GPR155: variants seen among roughly 807,000 people sequenced by gnomAD.
GPR155 encodes G protein-coupled receptor 155.
GPR155 carries 65 observed loss-of-function variants against 93.1 expected under a neutral mutation model. That is an observed-to-expected ratio of 0.70 (90% CI 0.57 to 0.86). GPR155 has a LOEUF of 0.86. Among genes scored for constraint, GPR155 ranks in the 40% least tolerant of loss-of-function variants. The pLI is 0.00. For synonymous variants in GPR155, 319 were observed against 360.1 expected (o/e 0.89, Z 1.29); for missense variants, 838 against 1,034.8 (o/e 0.81, Z 2.61).
At chr2:174,475,739 A>G (rs1280038815) in intron 2 of GPR155, among the ~76,000 whole-genome samples, 1 of 152,180 alleles carries the variant, frequency 6.6e-6, no homozygotes, top group African/African-American at 2.4e-5. Flanking sequence ...AGATAATTAT[A>G]TTTCTGATTC....
intron 2 of GPR155, 51 bp from the exon 3 acceptor site, chr2:174,473,415 ATATGT>A (rs765488074): frequency 8.3e-7 from 1 of 1,201,812 alleles, no homozygotes; most frequent in Non-Finnish European, 1.2e-6. Flanking sequence ...AAATACAGAT[ATATGT>A]TATGTATATA....
chr2:174,431,604 A>G lies in GPR155; in HGVS notation c.*4512T>C, dbSNP rs1434124517. The G allele has an allele frequency of 6.6e-6, 1 of 152,206 alleles. No homozygotes were observed. Among genetic ancestry groups the G allele is most frequent in the Non-Finnish European group, 1.5e-5 (1 of 68,038 alleles). The allele number at this position is 152,206 out of a possible 1,614,324, so 9.4% of individuals were successfully genotyped here. A position where few individuals can be genotyped will look rare whatever the true frequency, so the allele number is the denominator to read the frequency against. The stretch of plus-strand genomic sequence containing the variant: ...ATTATTTCAACCTTTTATCATACCA[A>G]TTGCAGAAATTTATAATCTCATCTT... On this transcript the variant is annotated 3_prime_UTR_variant, in exon 16 of 16. Transcript: ENST00000392552.
chr2:174,476,804 A>G (rs1205896963), intron 2 of GPR155, among the ~76,000 whole-genome samples: 1 of 151,984 alleles, frequency 6.6e-6, no homozygotes, highest in Non-Finnish European at 1.5e-5. Context: ...TAACTTCTTA[A>G]TATCTCCTTT....
At chr2:174,438,169 GAT>G (rs1559094728) in intron 15 of GPR155, among the ~76,000 whole-genome samples, 5 of 152,032 alleles carry the variant, frequency 3.3e-5, no homozygotes, top group African/African-American at 1.2e-4. Context: ...GAGCCCAGGA[GAT>G]TGGGGCTGCA....
At chr2:174,455,692 C>G (rs1264331692) in intron 10 of GPR155, among the ~76,000 whole-genome samples, 1 of 152,062 alleles carries the variant, frequency 6.6e-6, no homozygotes, top group East Asian at 1.9e-4. Context: ...TAATTCACCT[C>G]AAGGGGAAAC....
intron 11 of GPR155, among the ~76,000 whole-genome samples, chr2:174,447,471 G>T (rs1286235031): frequency 1.4e-5 from 2 of 142,146 alleles, no homozygotes; most frequent in South Asian, 2.1e-4. Flanking sequence ...TATATATTAT[G>T]TTATAAATGT....
chr2:174,465,760 A>T (rs1189580967), intron 7 of GPR155, 25 bp downstream of exon 7: 1 of 1,123,344 alleles, frequency 8.9e-7, no homozygotes, highest in Admixed American at 1.7e-5. Flanking sequence ...AACAGATCTC[A>T]ATTTCCATTC....
chr2:174,452,981 CTTATT>C (rs1341616460), intron 11 of GPR155, among the ~76,000 whole-genome samples: 1 of 152,092 alleles, frequency 6.6e-6, no homozygotes. Flanking sequence ...GTGTTTGTTC[CTTATT>C]TTATAAGAAT....
chr2:174,442,858 G>C (rs16862579), intron 13 of GPR155, among the ~76,000 whole-genome samples: 10,343 of 152,232 alleles, frequency 0.068, 1,139 homozygotes, highest in African/African-American at 0.23. Flanking sequence ...AGAAGGGAAT[G>C]AGCTTACCAT....
Position 174,473,051 on chromosome 2 carries a change from A to C in GPR155, c.774T>G (p.Phe258Leu), listed in dbSNP as rs369296052. Residue 258 changes from phenylalanine (F) to leucine (L), a missense_variant, in exon 3 of 16, where the codon TTT (phenylalanine) becomes TTG (leucine). Physicochemically the swap from Phe to Leu is conservative, Grantham distance 22. Coordinates refer to ENST00000392552, the MANE Select transcript of GPR155 (RefSeq NM_152529.7). ...TTCCCACCATCGTGAGACCAAGATA[A>C]AATAGGGCTGATCCAGAAAAAGAAT... ...LGNSFSGSAL[F>L]YLGLTMVGKI... The C allele has an allele frequency of 1.4e-5, 22 of 1,600,992 alleles. No individual in the cohort carries two copies. The highest frequency in any genetic ancestry group is 1.8e-5 in the Non-Finnish European group (21 of 1,177,098).
intron 11 of GPR155, among the ~76,000 whole-genome samples, chr2:174,448,103 C>T (rs972432754): frequency 2.6e-5 from 4 of 152,114 alleles, no homozygotes; most frequent in Admixed American, 2.0e-4. Flanking sequence ...CAGCCAGGCA[C>T]GGTGGCTCAC....
In GPR155 at chr2:174,433,195, TTAAAA is replaced by T. The variant is rs1330791128; in HGVS notation, c.*2916_*2920del. 6.6e-6 allele frequency: 1 copy of T among 152,172 alleles called. No individual in the cohort carries two copies. Among genetic ancestry groups the T allele is most frequent in the African/African-American group, 2.4e-5 (1 of 41,440 alleles). 9.4% of individuals were successfully genotyped at this position (152,172 alleles called of 1,614,324 possible). A position where few individuals can be genotyped will look rare whatever the true frequency, so the allele number is the denominator to read the frequency against. ...ATAATTAAATAAATATCTGAAACGT[TTAAAA>T]TAAGTTAAACTAGCACTGACATCTA... On this transcript the variant is annotated 3_prime_UTR_variant, in exon 16 of 16. Transcript: ENST00000392552.
chr2:174,452,939 C>A (rs1319632415), intron 11 of GPR155, among the ~76,000 whole-genome samples: 1 of 152,366 alleles, frequency 6.6e-6, no homozygotes, highest in Non-Finnish European at 1.5e-5. Context: ...CGTGAGCCAC[C>A]TTGTCTGGCC....
chr2:174,448,356 C>T (rs1687203727), intron 11 of GPR155, among the ~76,000 whole-genome samples: 1 of 152,092 alleles, frequency 6.6e-6, no homozygotes, highest in East Asian at 1.9e-4. Flanking sequence ...GCATGGGCAA[C>T]AGAGCAAGAC....
chr2:174,445,165 A>C lies in GPR155; in HGVS notation c.2025T>G (p.Ser675Arg). 4.5e-6 allele frequency: 7 copies of C among 1,538,524 alleles called. No homozygotes were observed. Among genetic ancestry groups the C allele is most frequent in the Non-Finnish European group, 6.3e-6 (7 of 1,111,630 alleles). Residue 675 changes from serine (S) to arginine (R), a missense_variant, in exon 13 of 16, where the codon AGT (serine) becomes AGG (arginine). Around this residue, in one of 3 missense-constraint regions of GPR155, gnomAD observed 29 missense variants for 67.1 expected, o/e 0.43. Coordinates refer to ENST00000392552, the MANE Select transcript of GPR155 (RefSeq NM_152529.7). ...LIIGLFANLS[S>R]CLWWLFNQEP... ...CTTGGTTGAATAGCCACCATAAACAACTGGAAAGATTCTGTAAAGAAAGGA... is the reference window on the plus strand; with the variant it reads ...CTTGGTTGAATAGCCACCATAAACACCTGGAAAGATTCTGTAAAGAAAGGA...
chr2:174,441,963 G>A (rs35594437), intron 14 of GPR155, among the ~76,000 whole-genome samples, 156 bp downstream of exon 14: 37,850 of 151,472 alleles, frequency 0.25, 5,671 homozygotes, highest in Middle Eastern at 0.47. Context: ...GCCCAGGCTG[G>A]TCTTGAACTC....
In GPR155 at chr2:174,442,170, A is replaced by G. The variant is rs1250860737; in HGVS notation, c.2123T>C (p.Phe708Ser). ...ATGTTTATCTAATCCAAAGATTCCA[A>G]AGGAAATAAATCCCTAGGGAAGAAA... ...VFNFGQGFISFGIFGLDKHLI... is the reference protein window; with the variant it reads ...VFNFGQGFISSGIFGLDKHLI... Residue 708 changes from phenylalanine to serine, a missense_variant, in exon 14 of 16, where the codon TTT (phenylalanine) becomes TCT (serine). Physicochemically the swap from Phe to Ser is radical, Grantham distance 155. Coordinates refer to ENST00000392552, the MANE Select transcript of GPR155 (RefSeq NM_152529.7). The G allele has an allele frequency of 1.5e-6, 2 of 1,369,650 alleles. No individual in the cohort carries two copies. Among genetic ancestry groups the G allele is most frequent in the East Asian group, 2.3e-5 (1 of 43,688 alleles). 84.8% of individuals were successfully genotyped at this position (1,369,650 alleles called of 1,614,324 possible).
chr2:174,473,396 T>G, intron 2 of GPR155, 32 bp from the exon 3 acceptor site: 1 of 1,373,272 alleles, frequency 7.3e-7, no homozygotes, highest in Non-Finnish European at 1.0e-6. Flanking sequence ...TTTTAAATGA[T>G]GACCACAGAA....
chr2:174,483,174 CAG>C (rs1491295034), intron 1 of GPR155: 1 of 150,296 alleles, frequency 6.7e-6, no homozygotes, highest in Non-Finnish European at 1.5e-5. Flanking sequence ...ATACACGAGA[CAG>C]AAAAAAAAAT....
Sources: gnomAD v4.1 joint callset for allele counts (sites outside exome capture counted in the v4.1 genomes callset) on GRCh38, gnomAD v4.1.1 for gene constraint, gnomAD v4.1.1 regional missense constraint, MANE v1.5 for transcripts, NCBI Gene and HGNC (gene_info 2026-07-23, HGNC 2026-07-21) for gene names.